Variants in PPP2R5E observed in about 807,000 individuals in gnomAD.
PPP2R5E encodes serine/threonine-protein phosphatase 2A 56 kDa regulatory subunit epsilon isoform.
In PPP2R5E, 4 loss-of-function variants were observed where a neutral mutation model predicts 65.3. The ratio of observed to expected loss-of-function variants is 0.06; its 90% CI spans 0.03 to 0.14. The LOEUF (loss-of-function observed/expected upper bound fraction) is 0.14, where lower values mean the gene tolerates loss of function less well. Ranked by LOEUF, PPP2R5E falls within the 10% of genes least tolerant of loss-of-function variation. The probability of loss-of-function intolerance (pLI) is 1.00; values close to 1 mark genes in which losing one functional copy is unlikely to be tolerated. For synonymous variants in PPP2R5E, 183 were observed against 187.4 expected (o/e 0.98, Z 0.19); for missense variants, 274 against 556.1 (o/e 0.49, Z 5.10).
At chr14:63,474,353 C>T (rs73274693) in intron 2 of PPP2R5E, among the ~76,000 whole-genome samples, 8,163 of 152,034 alleles carry the variant, frequency 0.054, 589 homozygotes, top group African/African-American at 0.17. Flanking sequence ...CCTGGGTGAA[C>T]AGAGGAGTCA....
intron 2 of PPP2R5E, among the ~76,000 whole-genome samples, chr14:63,507,442 C>T (rs1404095277): frequency 1.3e-5 from 2 of 150,692 alleles, no homozygotes; most frequent in Admixed American, 6.6e-5. Flanking sequence ...TCCCTTGGTA[C>T]GATTAACTTT....
chr14:63,457,526 C>T (rs1326191195), intron 2 of PPP2R5E, among the ~76,000 whole-genome samples: 1 of 152,132 alleles, frequency 6.6e-6, no homozygotes, highest in Non-Finnish European at 1.5e-5. Flanking sequence ...AAACAAATTA[C>T]AGTCATTAAG....
rs145412577 is a variant in PPP2R5E, at chr14:63,500,497, T to C, written c.157+39032A>G. Among the ~76,000 whole-genome samples the C allele has an allele frequency of 6.0e-3, 917 of 152,332 alleles. 12 individuals are homozygous for C. The highest frequency in any genetic ancestry group is 0.021 in the African/African-American group (857 of 41,572). On this transcript the variant is annotated intron_variant, in intron 2 of 13. Coordinates refer to ENST00000337537, the MANE Select transcript of PPP2R5E (RefSeq NM_006246.5). ...TAATAAAACTGATATGAATAATTGT[T>C]ACATACTTGTATGGTTAACTGGTAA...
chr14:63,421,784 G>T (rs1252859594), intron 4 of PPP2R5E, among the ~76,000 whole-genome samples: 1 of 152,138 alleles, frequency 6.6e-6, no homozygotes, highest in East Asian at 1.9e-4. Flanking sequence ...ACGTGGGGTT[G>T]GGGGACACTA....
At chr14:63,501,804 C>T (rs1282342079) in intron 2 of PPP2R5E, among the ~76,000 whole-genome samples, 1 of 152,196 alleles carries the variant, frequency 6.6e-6, no homozygotes, top group Non-Finnish European at 1.5e-5. Flanking sequence ...GTGGAAAAGA[C>T]AGTTAGTTGC....
chr14:63,433,038 T>TTG (rs1473753710), intron 3 of PPP2R5E, among the ~76,000 whole-genome samples: 2 of 139,678 alleles, frequency 1.4e-5, no homozygotes, highest in East Asian at 2.0e-4. Flanking sequence ...TTTTGTTTTT[T>TTG]TTTTTTTTTT....
intron 2 of PPP2R5E, among the ~76,000 whole-genome samples, chr14:63,512,872 C>T (rs1035272578): frequency 2.0e-5 from 3 of 152,052 alleles, no homozygotes; most frequent in Non-Finnish European, 4.4e-5. Context: ...AAAAACCTAA[C>T]ATTAGTATTA....
chr14:63,543,185 C>T lies in PPP2R5E; in HGVS notation c.-414G>A, dbSNP rs529949934. On this transcript the variant is annotated 5_prime_UTR_variant, in exon 1 of 14. Transcript: ENST00000337537. Reference sequence around the variant, plus strand: ...GAGGGGGGGAAGGGAGGGAGGAAGACTGGATCTGCAGCGGCAGCAAGAGAA... The same window carrying T: ...GAGGGGGGGAAGGGAGGGAGGAAGATTGGATCTGCAGCGGCAGCAAGAGAA... 2 of 153,232 alleles carry T rather than the reference C, an allele frequency of 1.3e-5. No homozygotes were observed. The highest frequency in any genetic ancestry group is 2.1e-4 in the South Asian group (1 of 4,852). 9.5% of individuals were successfully genotyped at this position (153,232 alleles called of 1,614,324 possible).
At chr14:63,452,758 T>C (rs1177022399) in intron 3 of PPP2R5E, 2 of 152,178 alleles carry the variant, frequency 1.3e-5, no homozygotes, top group Non-Finnish European at 2.9e-5. Context: ...TTTAAACATA[T>C]CTACTCCATC....
intron 1 of PPP2R5E, 55 bp from the exon 2 acceptor site, chr14:63,539,747 G>T: frequency 6.7e-7 from 1 of 1,497,262 alleles, no homozygotes; most frequent in Non-Finnish European, 9.1e-7. Context: ...AAGCATACAT[G>T]TGAGTTATAC....
intron 2 of PPP2R5E, among the ~76,000 whole-genome samples, chr14:63,509,563 C>T (rs750908375): frequency 1.6e-4 from 24 of 152,134 alleles, no homozygotes; most frequent in Admixed American, 2.6e-4. Context: ...CCTCGTGAGT[C>T]GCTGTGCCAG....
chr14:63,499,531 C>G (rs1891750716), intron 2 of PPP2R5E, among the ~76,000 whole-genome samples: 1 of 152,166 alleles, frequency 6.6e-6, no homozygotes, highest in Admixed American at 6.5e-5. Flanking sequence ...TCGAGACCAG[C>G]CTGGCCAACA....
chr14:63,478,073 T>C (rs8008684), intron 2 of PPP2R5E, among the ~76,000 whole-genome samples: 10 of 152,036 alleles, frequency 6.6e-5, no homozygotes, highest in South Asian at 2.1e-4. Context: ...GTCACCTGCT[T>C]AAACTACATA....
intron 12 of PPP2R5E, among the ~76,000 whole-genome samples, chr14:63,382,441 GC>G (rs1884422866): frequency 7.3e-6 from 1 of 136,250 alleles, no homozygotes; most frequent in African/African-American, 2.8e-5. Context: ...CGCTCTTGTT[GC>G]CCAGGCTGGA....
Position 63,395,368 on chromosome 14 carries a change from A to G in PPP2R5E, c.681-83T>C, listed in dbSNP as rs74573698. 3,435 of 632,584 alleles carry G rather than the reference A, an allele frequency of 5.4e-3. 131 individuals are homozygous for G. In the African/African-American group the frequency reaches 0.086, roughly 16 times the overall value. The allele number at this position is 632,584 out of a possible 1,614,324, so 39.2% of individuals were successfully genotyped here. A position where few individuals can be genotyped will look rare whatever the true frequency, so the allele number is the denominator to read the frequency against. On this transcript the variant is annotated intron_variant, in intron 6 of 13. Transcript: ENST00000337537. ...ATAAAAAGAGGAGGAGGAGGAGGAGAAGGGGGAGGAGGAGGAGAAGAGGAG... is the reference window on the plus strand; with the variant it reads ...ATAAAAAGAGGAGGAGGAGGAGGAGGAGGGGGAGGAGGAGGAGAAGAGGAG...
chr14:63,454,803 T>G (rs1162494455), intron 2 of PPP2R5E, among the ~76,000 whole-genome samples: 1 of 152,192 alleles, frequency 6.6e-6, no homozygotes, highest in African/African-American at 2.4e-5. Context: ...GGAGAAGCAA[T>G]GAAAATTATA....
chr14:63,480,428 T>G (rs535153990), intron 2 of PPP2R5E, among the ~76,000 whole-genome samples: 1 of 152,210 alleles, frequency 6.6e-6, no homozygotes, highest in Non-Finnish European at 1.5e-5. Context: ...TGCACTCCAG[T>G]CTAGGCAACA....
rs542597733 is a variant in PPP2R5E at position 63,520,192 on chromosome 14, C to T, written c.157+19337G>A. Among the ~76,000 whole-genome samples the T allele has an allele frequency of 4.6e-5, 7 of 152,024 alleles. No individual in the cohort carries two copies. In the South Asian group the frequency reaches 6.2e-4, roughly 14 times the overall value. ...CTGGGACTACTGGCGCCCGCCACCA[C>T]GCCCGGCTAATTTTTTGCATTTTTA... is the stretch of plus-strand genomic sequence containing the variant. On this transcript the variant is annotated intron_variant, in intron 2 of 13. Transcript: ENST00000337537.
chr14:63,404,294 G>A (rs1885944200), intron 5 of PPP2R5E, among the ~76,000 whole-genome samples: 1 of 152,282 alleles, frequency 6.6e-6, no homozygotes, highest in Admixed American at 6.5e-5. Flanking sequence ...AGATTTTAGA[G>A]AACATCAGAA....
Sources: allele counts gnomAD v4.1 joint callset (sites outside exome capture counted in the v4.1 genomes callset), GRCh38; gene constraint gnomAD v4.1.1; transcripts MANE v1.5; gene names NCBI Gene and HGNC (gene_info 2026-07-23, HGNC 2026-07-21).